The following FAF1 variants were observed in gnomAD, a reference collection of about 807,000 sequenced individuals.
FAF1 encodes the protein Fas associated factor 1.
Under a neutral mutation model 92.5 loss-of-function variants are expected in FAF1, and 25 were observed. That is an observed-to-expected ratio of 0.27 (90% CI 0.20 to 0.38). The LOEUF is 0.38. Among genes scored for constraint, FAF1 ranks in the 10% least tolerant of loss-of-function variants. The probability of loss-of-function intolerance (pLI) is 1.00; values close to 1 mark genes in which losing one functional copy is unlikely to be tolerated. For synonymous variants in FAF1, 234 were observed against 273.2 expected (o/e 0.86, Z 1.42); for missense variants, 636 against 793.3 (o/e 0.80, Z 2.38).
intron 7 of FAF1, among the ~76,000 whole-genome samples, chr1:50,677,818 C>G (rs1389497499): frequency 6.7e-6 from 1 of 149,828 alleles, no homozygotes; most frequent in Non-Finnish European, 1.5e-5. Flanking sequence ...TCGCTTGAAC[C>G]CAGGAGGCGG....
intron 18 of FAF1, among the ~76,000 whole-genome samples, chr1:50,451,472 G>A (rs2148980114): frequency 6.6e-6 from 1 of 152,292 alleles, no homozygotes; most frequent in East Asian, 1.9e-4. Flanking sequence ...AGAATGCACA[G>A]GCAGGAAGTG....
intron 6 of FAF1, among the ~76,000 whole-genome samples, chr1:50,725,227 A>G (rs1658594721): frequency 6.6e-6 from 1 of 152,174 alleles, no homozygotes; most frequent in South Asian, 2.1e-4. Flanking sequence ...AAACTCTAGA[A>G]GAGCCTCTAT....
chr1:50,718,318 G>A (rs772191525), intron 6 of FAF1, among the ~76,000 whole-genome samples: 3 of 152,130 alleles, frequency 2.0e-5, no homozygotes, highest in Admixed American at 6.5e-5. Flanking sequence ...ATGAGGCACC[G>A]TGCCCGGCCA....
intron 7 of FAF1, among the ~76,000 whole-genome samples, chr1:50,688,573 G>C (rs963281233): frequency 1.3e-5 from 2 of 152,228 alleles, no homozygotes; most frequent in African/African-American, 4.8e-5. Context: ...AGCACTTTGG[G>C]AGGCCAAGGT....
intron 18 of FAF1, chr1:50,452,235 T>G: frequency 1.8e-6 from 2 of 1,103,498 alleles, no homozygotes; most frequent in Non-Finnish European, 2.5e-6. Context: ...AAGTCCCGCT[T>G]TACAGAACAA....
At chr1:50,931,080 G>A (rs1337531379) in intron 1 of FAF1, among the ~76,000 whole-genome samples, 8 of 151,988 alleles carry the variant, frequency 5.3e-5, no homozygotes, top group African/African-American at 7.2e-5. Context: ...TCTCTTATAC[G>A]AAATATAGAT....
At chr1:50,509,344 T>A (rs1647102467) in intron 15 of FAF1, among the ~76,000 whole-genome samples, 1 of 151,934 alleles carries the variant, frequency 6.6e-6, no homozygotes, top group Admixed American at 6.6e-5. Flanking sequence ...AGGCACAGCA[T>A]CTCATGTCTG....
At chr1:50,657,291 T>C (rs1655158797) in intron 7 of FAF1, among the ~76,000 whole-genome samples, 2 of 152,008 alleles carry the variant, frequency 1.3e-5, no homozygotes, top group African/African-American at 2.4e-5. Context: ...TAACGAATCA[T>C]AATAATGGAG....
At chr1:50,715,307 G>A (rs533625488) in intron 6 of FAF1, among the ~76,000 whole-genome samples, 31 of 152,230 alleles carry the variant, frequency 2.0e-4, no homozygotes, top group African/African-American at 7.0e-4. Context: ...AAAATTGAAG[G>A]TGGCGGGGTG....
intron 17 of FAF1, among the ~76,000 whole-genome samples, chr1:50,489,901 T>G (rs541585187): frequency 0.022 from 16 of 736 alleles, no homozygotes; most frequent in African/African-American, 0.062. Context: ...CCAACAAATA[T>G]TTGTTGGCAC....
intron 1 of FAF1, among the ~76,000 whole-genome samples, chr1:50,906,220 T>C (rs1345193385): frequency 1.3e-5 from 2 of 152,234 alleles, no homozygotes; most frequent in South Asian, 2.1e-4. Context: ...AGGGCTCTGT[T>C]GTATTCCATT....
chr1:50,826,990 C>T (rs550923876), intron 2 of FAF1, among the ~76,000 whole-genome samples: 12 of 140,302 alleles, frequency 8.6e-5, no homozygotes, highest in Non-Finnish European at 1.4e-4. Context: ...GGCCGCCCAT[C>T]GTCTGGGATG....
intron 6 of FAF1, among the ~76,000 whole-genome samples, chr1:50,725,401 T>C (rs779558721): frequency 1.3e-5 from 2 of 152,198 alleles, no homozygotes; most frequent in African/African-American, 2.4e-5. Flanking sequence ...AATTCATGGC[T>C]ACTGTAATCT....
chr1:50,856,686 T>C (rs1644392690), intron 2 of FAF1, among the ~76,000 whole-genome samples: 1 of 151,170 alleles, frequency 6.6e-6, no homozygotes, highest in South Asian at 2.1e-4. Context: ...AGAAATTCAA[T>C]TATGAATTGA....
At chr1:50,550,948 A>G (rs1174210952) in intron 13 of FAF1, among the ~76,000 whole-genome samples, 3 of 152,200 alleles carry the variant, frequency 2.0e-5, no homozygotes, top group Non-Finnish European at 2.9e-5. Context: ...GGCATATAAG[A>G]GAAATACAAT....
At chr1:50,790,733 C>G (rs2124577491) in intron 3 of FAF1, among the ~76,000 whole-genome samples, 1 of 151,884 alleles carries the variant, frequency 6.6e-6, no homozygotes, top group African/African-American at 2.4e-5. Context: ...TTCCTCTCAA[C>G]CTGAATTTAA....
intron 8 of FAF1, among the ~76,000 whole-genome samples, chr1:50,629,221 G>A (rs902133109): frequency 2.7e-5 from 4 of 146,554 alleles, no homozygotes; most frequent in Non-Finnish European, 5.9e-5. Flanking sequence ...CCAGGCTGGA[G>A]TGCAATGGTG....
intron 15 of FAF1, among the ~76,000 whole-genome samples, chr1:50,531,359 T>C (rs1345292047): frequency 2.6e-5 from 4 of 152,176 alleles, no homozygotes; most frequent in African/African-American, 9.6e-5. Flanking sequence ...AAACAATAAA[T>C]AGATCACAAA....
intron 8 of FAF1, among the ~76,000 whole-genome samples, chr1:50,621,866 T>C (rs1021173118): frequency 2.0e-5 from 3 of 152,044 alleles, no homozygotes; most frequent in Non-Finnish European, 4.4e-5. Context: ...TCTTGCTCCC[T>C]AGAAAGATTC....
Sources: allele counts gnomAD v4.1 joint callset (sites outside exome capture counted in the v4.1 genomes callset), GRCh38; gene constraint gnomAD v4.1.1; transcripts MANE v1.5; gene names NCBI Gene and HGNC (gene_info 2026-07-23, HGNC 2026-07-21).